DOCK5: variants seen among roughly 807,000 people sequenced by gnomAD.
DOCK5 encodes dedicator of cytokinesis protein 5.
A neutral mutation model predicts 251.8 loss-of-function variants in DOCK5; 142 were observed. The observed-to-expected ratio is 0.56, with a 90% CI of 0.49 to 0.65. The LOEUF is 0.65. DOCK5 is among the 30% of genes least tolerant of loss of function. The pLI, the probability that DOCK5 is intolerant of heterozygous loss-of-function variation, is 0.00. For missense variants in DOCK5, 2,111 were observed against 2,312.3 expected (o/e 0.91, Z 1.79); for synonymous variants, 842 against 835.5 (o/e 1.01, Z -0.13).
chr8:25,290,689 A>T (rs897463034), intron 5 of DOCK5, among the ~76,000 whole-genome samples: 1 of 152,166 alleles, frequency 6.6e-6, no homozygotes, highest in African/African-American at 2.4e-5. Context: ...CATTTGCTAG[A>T]GTGCCTACTT....
At chr8:25,232,659 C>T (rs191997545) in intron 1 of DOCK5, among the ~76,000 whole-genome samples, 33 of 152,174 alleles carry the variant, frequency 2.2e-4, no homozygotes, top group Non-Finnish European at 3.7e-4. Flanking sequence ...TATAAGAGCA[C>T]GAATCCCATT....
At chr8:25,297,028 G>A (rs1804634053) in intron 7 of DOCK5, among the ~76,000 whole-genome samples, 1 of 152,148 alleles carries the variant, frequency 6.6e-6, no homozygotes, top group African/African-American at 2.4e-5. Context: ...CTTCTTAAAT[G>A]TGTAATCTCT....
rs1236486499 is a variant in DOCK5 at position 25,414,639 on chromosome 8, C to T, written c.*3341C>T. On this transcript the variant is annotated 3_prime_UTR_variant, in exon 52 of 52. Coordinates refer to ENST00000276440, the MANE Select transcript of DOCK5 (RefSeq NM_024940.8). ...GTTAAGTGCACAAATCTTAGCCGTG[C>T]AGATGGGTAATTTTCACATAGCTAT... 6.6e-6 allele frequency: 1 copy of T among 152,166 alleles called. No homozygotes were observed. The highest frequency in any genetic ancestry group is 1.9e-4 in the East Asian group (1 of 5,198). The allele number at this position is 152,166 out of a possible 1,614,324, so 9.4% of individuals were successfully genotyped here.
At chr8:25,319,819 A>T (rs1805372562) in intron 15 of DOCK5, 143 bp downstream of exon 15, 1 of 578,104 alleles carries the variant, frequency 1.7e-6, no homozygotes, top group Non-Finnish European at 3.1e-6. Context: ...ATGAATCAGT[A>T]ATTATAATTC....
chr8:25,377,478 C>T (rs1211807784), intron 38 of DOCK5, 54 bp downstream of exon 38: 18 of 1,571,238 alleles, frequency 1.1e-5, no homozygotes, highest in Admixed American at 1.8e-5. Context: ...ACCGCAGTAT[C>T]GCAATACAAT....
intron 2 of DOCK5, among the ~76,000 whole-genome samples, chr8:25,259,197 G>A (rs1803502855): frequency 6.6e-6 from 1 of 152,172 alleles, no homozygotes; most frequent in African/African-American, 2.4e-5. Context: ...CTTAGATGGT[G>A]TGCCTATGCG....
chr8:25,208,843 T>C (rs1329589652), intron 1 of DOCK5, among the ~76,000 whole-genome samples: 1 of 152,172 alleles, frequency 6.6e-6, no homozygotes, highest in Admixed American at 6.5e-5. Context: ...GAGGTTAAAA[T>C]ATGCCCATGA....
At chr8:25,344,402 G>A (rs1208099864) in intron 25 of DOCK5, among the ~76,000 whole-genome samples, 1 of 152,168 alleles carries the variant, frequency 6.6e-6, no homozygotes, top group Non-Finnish European at 1.5e-5. Context: ...CTCATTTTAT[G>A]TATGTATATT....
intron 1 of DOCK5, among the ~76,000 whole-genome samples, chr8:25,217,960 A>G (rs1049092212): frequency 6.6e-6 from 1 of 152,244 alleles, no homozygotes; most frequent in Non-Finnish European, 1.5e-5. Flanking sequence ...TCCAATTACT[A>G]TAAAGAAATC....
At chr8:25,326,213 T>A (rs761052309) in intron 18 of DOCK5, among the ~76,000 whole-genome samples, 4 of 152,220 alleles carry the variant, frequency 2.6e-5, no homozygotes, top group Admixed American at 6.5e-5. Context: ...AAGAATGAGC[T>A]GCCTAGGGGA....
intron 1 of DOCK5, among the ~76,000 whole-genome samples, chr8:25,222,584 G>C (rs575811416): frequency 6.6e-6 from 1 of 152,170 alleles, no homozygotes; most frequent in Non-Finnish European, 1.5e-5. Context: ...AATCTGATAG[G>C]ATGAAGACCA....
intron 1 of DOCK5, among the ~76,000 whole-genome samples, chr8:25,186,771 C>T (rs1186521209): frequency 1.3e-5 from 2 of 152,090 alleles, no homozygotes; most frequent in African/African-American, 4.8e-5. Flanking sequence ...CAAAACTATT[C>T]AGTTGAGGGT....
At chr8:25,221,191 C>T (rs891465210) in intron 1 of DOCK5, among the ~76,000 whole-genome samples, 1 of 152,110 alleles carries the variant, frequency 6.6e-6, no homozygotes. Flanking sequence ...TTTAATTTGT[C>T]TTGTCTTTCT....
chr8:25,205,940 A>G (rs772834508), intron 1 of DOCK5, among the ~76,000 whole-genome samples: 9 of 152,236 alleles, frequency 5.9e-5, no homozygotes, highest in Non-Finnish European at 1.2e-4. Context: ...GGAAGTTTAT[A>G]ATGAATTAAA....
At chr8:25,357,589 A>C (rs147796431) in intron 27 of DOCK5, among the ~76,000 whole-genome samples, 59,646 of 150,912 alleles carry the variant, frequency 0.4, 11,809 homozygotes, top group Admixed American at 0.46. Context: ...TGTTGGCCAG[A>C]CTGGTCTCAA....
At chr8:25,306,824 C>T (rs1056872124) in intron 11 of DOCK5, among the ~76,000 whole-genome samples, 3 of 152,162 alleles carry the variant, frequency 2.0e-5, no homozygotes, top group Non-Finnish European at 1.5e-5. Context: ...GGCAGTGATA[C>T]GTTCTGAGAA....
At chr8:25,308,229 T>C (rs2666164) in intron 11 of DOCK5, among the ~76,000 whole-genome samples, 140,164 of 152,168 alleles carry the variant, frequency 0.92, 64,622 homozygotes, top group Middle Eastern at 0.98. Context: ...TGGCAGCACC[T>C]ATGCCAAGAT....
chr8:25,391,196 CCTGT>C (rs1285964294), intron 42 of DOCK5, among the ~76,000 whole-genome samples: 7 of 129,610 alleles, frequency 5.4e-5, no homozygotes, highest in African/African-American at 2.1e-4. Flanking sequence ...CACCACCACA[CCTGT>C]GTGTGTGTGT....
intron 5 of DOCK5, among the ~76,000 whole-genome samples, chr8:25,286,939 C>A (rs905607189): frequency 6.6e-6 from 1 of 152,126 alleles, no homozygotes; most frequent in South Asian, 2.1e-4. Context: ...CCCCAGCCTC[C>A]CAAAGTGCTA....
Sources: gnomAD v4.1 joint callset for allele counts (sites outside exome capture counted in the v4.1 genomes callset) on GRCh38, gnomAD v4.1.1 for gene constraint, MANE v1.5 for transcripts, NCBI Gene and HGNC (gene_info 2026-07-23, HGNC 2026-07-21) for gene names.